SRGAP3: variants seen among roughly 807,000 people sequenced by gnomAD.
SRGAP3 encodes the protein SLIT-ROBO Rho GTPase-activating protein 3.
A neutral mutation model predicts 121.1 loss-of-function variants in SRGAP3; 39 were observed. That is an observed-to-expected ratio of 0.32 (90% CI 0.25 to 0.42). The LOEUF is 0.42. Ranked by LOEUF, SRGAP3 falls within the 10% of genes least tolerant of loss-of-function variation. The pLI, the probability that SRGAP3 is intolerant of heterozygous loss-of-function variation, is 1.00. For missense variants in SRGAP3, 1,213 were observed against 1,470.6 expected (o/e 0.82, Z 2.86); for synonymous variants, 601 against 570.0 (o/e 1.05, Z -0.77).
chr3:9,348,673 G>C, intron 1 of SRGAP3: 2 of 1,090,406 alleles, frequency 1.8e-6, no homozygotes, highest in Non-Finnish European at 2.8e-6. Context: ...GATCAGACGT[G>C]GCTGCCAGTA....
At chr3:9,047,286 G>C in intron 10 of SRGAP3, 105 bp downstream of exon 10, 1 of 1,175,596 alleles carries the variant, frequency 8.5e-7, no homozygotes, top group Non-Finnish European at 1.2e-6. Context: ...CATTCTGCCA[G>C]GTGCCTGCTG....
intron 18 of SRGAP3, among the ~76,000 whole-genome samples, chr3:8,999,148 C>T (rs1942595659): frequency 6.6e-6 from 1 of 152,198 alleles, no homozygotes; most frequent in African/African-American, 2.4e-5. Context: ...AAGAGATGAA[C>T]AGCCCAGCCC....
At chr3:9,002,245 C>A (rs962369598) in intron 18 of SRGAP3, among the ~76,000 whole-genome samples, 1 of 152,126 alleles carries the variant, frequency 6.6e-6, no homozygotes, top group Admixed American at 6.5e-5. Context: ...TTATTGATTT[C>A]TTCTATAGAA....
intron 2 of SRGAP3, among the ~76,000 whole-genome samples, chr3:9,124,176 T>G (rs763016220): frequency 6.6e-6 from 1 of 152,108 alleles, no homozygotes; most frequent in Non-Finnish European, 1.5e-5. Context: ...TCAGGACACA[T>G]GACAGTTTGT....
At chr3:9,084,845 A>T (rs1036075222) in intron 3 of SRGAP3, among the ~76,000 whole-genome samples, 5 of 152,182 alleles carry the variant, frequency 3.3e-5, no homozygotes, top group African/African-American at 1.2e-4. Context: ...CTCATTGTCT[A>T]CAGAATCAAG....
intron 3 of SRGAP3, among the ~76,000 whole-genome samples, chr3:9,082,468 A>G (rs1947289205): frequency 6.6e-6 from 1 of 152,238 alleles, no homozygotes; most frequent in Non-Finnish European, 1.5e-5. Flanking sequence ...CAAATCTGTC[A>G]GTGTCTTGCT....
intron 3 of SRGAP3, among the ~76,000 whole-genome samples, chr3:9,085,327 C>T (rs1947417798): frequency 6.6e-6 from 1 of 152,192 alleles, no homozygotes. Context: ...AGGAGTCATT[C>T]CATCTTCAGA....
chr3:9,062,211 A>G (rs1946207493), intron 5 of SRGAP3, among the ~76,000 whole-genome samples: 1 of 152,138 alleles, frequency 6.6e-6, no homozygotes, highest in African/African-American at 2.4e-5. Context: ...TGTTAAAGGT[A>G]TTTTCATTAA....
intron 12 of SRGAP3, among the ~76,000 whole-genome samples, chr3:9,030,153 AAATGAATGAATGAATG>A (rs149686122): frequency 7.3e-4 from 108 of 148,350 alleles, no homozygotes; most frequent in African/African-American, 2.6e-3. Flanking sequence ...CTGCCTCAAT[AAATGAATGAATGAATG>A]AATGAATGAA....
intron 1 of SRGAP3, among the ~76,000 whole-genome samples, chr3:9,165,036 C>T (rs1051192372): frequency 1.3e-5 from 2 of 152,260 alleles, no homozygotes; most frequent in Non-Finnish European, 2.9e-5. Context: ...CCTGTGGTTC[C>T]CCTTGGGGGA....
intron 11 of SRGAP3, chr3:9,034,526 G>C (rs927799014): frequency 9.9e-5 from 15 of 152,184 alleles, no homozygotes; most frequent in Non-Finnish European, 5.9e-5. Flanking sequence ...TTTGAGTATT[G>C]AGCAAATGCT....
chr3:9,118,975 A>G (rs1047456730), intron 2 of SRGAP3, among the ~76,000 whole-genome samples: 6 of 152,132 alleles, frequency 3.9e-5, no homozygotes, highest in Non-Finnish European at 7.3e-5. Context: ...CTTGCCTTTC[A>G]TTCATTAGTT....
chr3:9,098,771 CTGTT>C (rs1948090363), intron 3 of SRGAP3, among the ~76,000 whole-genome samples: 2 of 152,244 alleles, frequency 1.3e-5, no homozygotes, highest in South Asian at 4.1e-4. Flanking sequence ...CGTTTGCTCA[CTGTT>C]TGTTATCTAT....
At position 9,229,080 on chromosome 3, in the gene SRGAP3, A is replaced by G. The variant is rs1953106788; in HGVS notation, c.67+19805T>C. Among the ~76,000 whole-genome samples, 3 of 151,614 alleles carry G rather than the reference A, an allele frequency of 2.0e-5. No individual in the cohort carries two copies. The South Asian group carries it at 6.2e-4, about 32-fold the overall frequency. ...CGAGACTCCGTCTCAAAAAAAAAAA[A>G]AAAAAAAAAAGTCAACTCTACTTAC... On this transcript the variant is annotated intron_variant, in intron 1 of 21. Coordinates refer to ENST00000383836, the MANE Select transcript of SRGAP3 (RefSeq NM_014850.4).
At chr3:9,208,393 C>T (rs543940660) in intron 1 of SRGAP3, among the ~76,000 whole-genome samples, 12 of 152,136 alleles carry the variant, frequency 7.9e-5, no homozygotes, top group Non-Finnish European at 1.5e-4. Context: ...TCCACCAGAC[C>T]GAGATCCAAC....
intron 19 of SRGAP3, chr3:8,993,990 T>C: frequency 2.7e-6 from 1 of 364,164 alleles, no homozygotes; most frequent in Non-Finnish European, 5.2e-6. Context: ...ACCTCTGGAG[T>C]GTAGAACCGT....
intron 1 of SRGAP3, among the ~76,000 whole-genome samples, chr3:9,169,037 T>C (rs1018183370): frequency 6.6e-6 from 1 of 152,214 alleles, no homozygotes; most frequent in African/African-American, 2.4e-5. Flanking sequence ...GTGCAGTGCA[T>C]GGCCAGCACA....
At chr3:8,990,484 C>T (rs1941970828) in intron 21 of SRGAP3, 28 bp downstream of exon 21, 1 of 1,549,700 alleles carries the variant, frequency 6.5e-7, no homozygotes, top group Non-Finnish European at 8.7e-7. Context: ...CTTTTGGCTG[C>T]CCAGCCTGCC....
rs944935598 is a variant in SRGAP3 at position 9,280,397 on chromosome 3, C to G, written n.442+45613G>C. Among the ~76,000 whole-genome samples, 4 of 152,216 alleles carry G rather than the reference C, an allele frequency of 2.6e-5. No homozygotes were observed. In the East Asian group the frequency reaches 7.7e-4, roughly 29 times the overall value. ...CCCCACGCACACACCAGTTTGTGCC[C>G]ACCTCCCCTTCCCATCTCTTTGCAA... On this transcript the variant is annotated intron_variant and non_coding_transcript_variant, in intron 3 of 3. Transcript: ENST00000490889.
Sources: allele counts gnomAD v4.1 joint callset (sites outside exome capture counted in the v4.1 genomes callset), GRCh38; gene constraint gnomAD v4.1.1; transcripts MANE v1.5; gene names NCBI Gene and HGNC (gene_info 2026-07-23, HGNC 2026-07-21).